SPHKAP: variants seen among roughly 807,000 people sequenced by gnomAD.
SPHKAP encodes the protein SPHK1 interactor, AKAP domain containing.
A neutral mutation model predicts 137.5 loss-of-function variants in SPHKAP; 67 were observed. That is an observed-to-expected ratio of 0.49 (90% CI 0.40 to 0.60). The LOEUF is 0.60. SPHKAP is among the 20% of genes least tolerant of loss of function. SPHKAP has a pLI of 0.00. For missense variants in SPHKAP, 2,097 were observed against 2,069.3 expected, an observed-to-expected ratio of 1.01 and a Z score of -0.26; for synonymous variants, 813 against 785.3, an observed-to-expected ratio of 1.04 and a Z score of -0.59.
chr2:228,030,549 A>T (rs201126902), intron 3 of SPHKAP, among the ~76,000 whole-genome samples: 2 of 123,194 alleles, frequency 1.6e-5, no homozygotes, highest in Non-Finnish European at 3.3e-5. Context: ...AAAACAAAAA[A>T]AAAAAAATAA....
intron 1 of SPHKAP, among the ~76,000 whole-genome samples, chr2:228,173,985 C>T (rs1175829131): frequency 2.0e-5 from 3 of 152,144 alleles, no homozygotes; most frequent in African/African-American, 7.2e-5. Context: ...TCTGTTAATC[C>T]ATGTGGCAGA....
chr2:227,988,304 C>T (rs1238969490), intron 11 of SPHKAP, among the ~76,000 whole-genome samples: 1 of 152,112 alleles, frequency 6.6e-6, no homozygotes, highest in African/African-American at 2.4e-5. Context: ...CCTAAGATTA[C>T]ATTATTTAGA....
intron 1 of SPHKAP, among the ~76,000 whole-genome samples, chr2:228,148,367 AGTCTT>A (rs1473809888): frequency 6.6e-5 from 10 of 152,320 alleles, no homozygotes; most frequent in African/African-American, 2.2e-4. Flanking sequence ...CCACCTGTCT[AGTCTT>A]GTGCTGAAAG....
intron 4 of SPHKAP, among the ~76,000 whole-genome samples, chr2:228,027,180 G>C (rs546094812): frequency 7.9e-5 from 12 of 152,294 alleles, no homozygotes; most frequent in East Asian, 1.9e-4. Flanking sequence ...GGGAGGGTTG[G>C]CTGGTATCAG....
chr2:228,067,612 A>T (rs1374948795), intron 3 of SPHKAP, among the ~76,000 whole-genome samples: 2 of 152,176 alleles, frequency 1.3e-5, no homozygotes, highest in East Asian at 3.9e-4. Flanking sequence ...CTCAGCTTTC[A>T]AATGAGCACT....
chr2:228,033,090 G>T (rs1389212077), intron 3 of SPHKAP, among the ~76,000 whole-genome samples: 2 of 152,118 alleles, frequency 1.3e-5, no homozygotes, highest in Non-Finnish European at 2.9e-5. Flanking sequence ...TGGCAAATTG[G>T]ATAAAGAGTC....
intron 3 of SPHKAP, among the ~76,000 whole-genome samples, chr2:228,085,941 G>A (rs1395345777): frequency 2.0e-5 from 3 of 152,122 alleles, no homozygotes; most frequent in East Asian, 1.9e-4. Context: ...TATCCTCAAT[G>A]AGGCTAAATG....
intron 3 of SPHKAP, among the ~76,000 whole-genome samples, chr2:228,098,561 A>G (rs1322600334): frequency 6.6e-6 from 1 of 152,040 alleles, no homozygotes; most frequent in African/African-American, 2.4e-5. Context: ...GAATTGAACA[A>G]TGAGAACACA....
At position 228,135,239 on chromosome 2, in the gene SPHKAP, A is replaced by C. The variant is rs1008845873; in HGVS notation, c.33-3154T>G. 4.3e-5 allele frequency among the ~76,000 whole-genome samples: 6 copies of C among 140,620 alleles called. No individual in the cohort carries two copies. In the South Asian group the frequency reaches 8.7e-4, roughly 20 times the overall value. The allele number at this position is 140,620 out of a possible 152,430, so 92.3% of individuals were successfully genotyped here. A position where few individuals can be genotyped will look rare whatever the true frequency, so the allele number is the denominator to read the frequency against. On this transcript the variant is annotated intron_variant, in intron 1 of 11. Coordinates refer to ENST00000392056, the MANE Select transcript of SPHKAP (RefSeq NM_001142644.2). Reference sequence around the variant, plus strand: ...TGGTGGGCCGAGATCGTGCCATTGCACTCCAGCCTGGGCAACAAGAGTGAA... The same window carrying C: ...TGGTGGGCCGAGATCGTGCCATTGCCCTCCAGCCTGGGCAACAAGAGTGAA...
chr2:228,046,077 C>T (rs569980981), intron 3 of SPHKAP, among the ~76,000 whole-genome samples: 2 of 152,102 alleles, frequency 1.3e-5, no homozygotes, highest in Admixed American at 6.6e-5. Flanking sequence ...CATCCCACCC[C>T]CTACACACAC....
In SPHKAP at chr2:228,031,681, C is replaced by T. The variant is rs189864992; in HGVS notation, c.247-4138G>A. 4.6e-5 allele frequency among the ~76,000 whole-genome samples: 7 copies of T among 152,188 alleles called. No individual in the cohort carries two copies. In the East Asian group the frequency reaches 5.8e-4, roughly 13 times the overall value. On this transcript the variant is annotated intron_variant, in intron 3 of 11. Coordinates refer to ENST00000392056, the MANE Select transcript of SPHKAP (RefSeq NM_001142644.2). Reference sequence around the variant, plus strand: ...CTCTGAGACAAAACTTCTAGAAGAACGATCAGGCAGCAGCATTTGCAGTTC... The same window carrying T: ...CTCTGAGACAAAACTTCTAGAAGAATGATCAGGCAGCAGCATTTGCAGTTC...
chr2:228,118,933 T>C (rs1486710521), intron 2 of SPHKAP, among the ~76,000 whole-genome samples: 1 of 152,134 alleles, frequency 6.6e-6, no homozygotes, highest in Non-Finnish European at 1.5e-5. Flanking sequence ...CATAATCACA[T>C]AAATTATAAA....
intron 11 of SPHKAP, among the ~76,000 whole-genome samples, chr2:227,984,299 C>CAAA (rs61461358): frequency 9.5e-5 from 5 of 52,818 alleles, no homozygotes; most frequent in Admixed American, 2.1e-4. Flanking sequence ...GACTCCATCT[C>CAAA]AAAAAAAAAA....
chr2:228,139,278 C>CT (rs1483648585), intron 1 of SPHKAP, among the ~76,000 whole-genome samples: 4 of 151,956 alleles, frequency 2.6e-5, no homozygotes, highest in Non-Finnish European at 4.4e-5. Context: ...TCAATTAATG[C>CT]TTTTTTATTT....
chr2:227,994,680 C>G (rs922323236), intron 8 of SPHKAP, among the ~76,000 whole-genome samples: 1 of 152,168 alleles, frequency 6.6e-6, no homozygotes, highest in African/African-American at 2.4e-5. Context: ...GATAATCAAC[C>G]CTATAAACCT....
chr2:228,096,729 G>C (rs1015713729), intron 3 of SPHKAP, among the ~76,000 whole-genome samples: 2 of 151,918 alleles, frequency 1.3e-5, no homozygotes, highest in African/African-American at 4.8e-5. Flanking sequence ...TCTGGAATAT[G>C]AAATGAAAGC....
chr2:228,000,655 C>T (rs1693822426), intron 7 of SPHKAP, among the ~76,000 whole-genome samples: 1 of 151,738 alleles, frequency 6.6e-6, no homozygotes, highest in African/African-American at 2.4e-5. Context: ...AAATAAAATA[C>T]ATAAAAGATT....
intron 3 of SPHKAP, among the ~76,000 whole-genome samples, chr2:228,097,018 C>G (rs1698007959): frequency 6.6e-6 from 1 of 152,004 alleles, no homozygotes; most frequent in Admixed American, 6.5e-5. Context: ...ACTAGTTTTC[C>G]TAAGATTTTG....
intron 3 of SPHKAP, among the ~76,000 whole-genome samples, chr2:228,098,580 G>T (rs1437921017): frequency 6.6e-6 from 1 of 152,076 alleles, no homozygotes; most frequent in African/African-American, 2.4e-5. Context: ...CATGGACACA[G>T]GAAGGGGAAC....
Sources: gnomAD v4.1 joint callset for allele counts (sites outside exome capture counted in the v4.1 genomes callset) on GRCh38, gnomAD v4.1.1 for gene constraint, MANE v1.5 for transcripts, NCBI Gene and HGNC (gene_info 2026-07-23, HGNC 2026-07-21) for gene names.